Variants in HTRA1 observed in about 807,000 individuals in gnomAD.
The protein encoded by HTRA1 is HtrA serine peptidase 1.
In HTRA1, 26 loss-of-function variants were observed where a neutral mutation model predicts 49.7. The ratio of observed to expected loss-of-function variants is 0.52; its 90% CI spans 0.38 to 0.73. The LOEUF is 0.73. HTRA1 is among the 30% of genes least tolerant of loss of function. HTRA1 has a pLI of 0.00. For synonymous variants in HTRA1, 291 were observed against 286.9 expected, an observed-to-expected ratio of 1.01 and a Z score of -0.14; for missense variants, 561 against 667.2, an observed-to-expected ratio of 0.84 and a Z score of 1.75.
chr10:122,505,613 T>C (rs1490897137), intron 3 of HTRA1, among the ~76,000 whole-genome samples: 1 of 152,190 alleles, frequency 6.6e-6, no homozygotes, highest in East Asian at 1.9e-4. Context: ...ATGACTCAAG[T>C]AACCCCTGGG....
intron 3 of HTRA1, among the ~76,000 whole-genome samples, chr10:122,496,236 T>TTTTTTTTTTTTTG (rs1289001601): frequency 1.4e-5 from 1 of 70,238 alleles, no homozygotes; most frequent in Non-Finnish European, 2.8e-5. Flanking sequence ...TTCTTTTTTT[T>TTTTTTTTTTTTTG]TTTTTTTTTT....
chr10:122,475,932 G>A (rs1424555471), intron 1 of HTRA1, among the ~76,000 whole-genome samples: 1 of 152,214 alleles, frequency 6.6e-6, no homozygotes, highest in Non-Finnish European at 1.5e-5. Context: ...GAATTTAATG[G>A]AGCGGGCCAG....
intron 3 of HTRA1, among the ~76,000 whole-genome samples, chr10:122,496,060 T>A (rs1486973318): frequency 6.6e-6 from 1 of 151,828 alleles, no homozygotes; most frequent in African/African-American, 2.4e-5. Flanking sequence ...AGGAAAAAAA[T>A]TCCCAGCCCC....
chr10:122,462,899 T>G (rs1040033325), intron 1 of HTRA1, among the ~76,000 whole-genome samples: 10 of 152,266 alleles, frequency 6.6e-5, no homozygotes, highest in Non-Finnish European at 1.5e-4. Context: ...ACACAGGACC[T>G]GTTCTGGCAG....
intron 3 of HTRA1, among the ~76,000 whole-genome samples, chr10:122,491,596 C>A (rs759921101): frequency 6.6e-6 from 1 of 152,234 alleles, no homozygotes; most frequent in African/African-American, 2.4e-5. Context: ...TGCTTCTGGC[C>A]GGGGGATATT....
chr10:122,473,334 AC>A (rs759462331), intron 1 of HTRA1, among the ~76,000 whole-genome samples: 3 of 152,096 alleles, frequency 2.0e-5, no homozygotes, highest in Non-Finnish European at 2.9e-5. Context: ...GCGACAGAGA[AC>A]CCAGGTCTCA....
At chr10:122,474,502 G>A (rs181996343) in intron 1 of HTRA1, among the ~76,000 whole-genome samples, 4 of 152,278 alleles carry the variant, frequency 2.6e-5, no homozygotes, top group Non-Finnish European at 4.4e-5. Context: ...GACTCAACCC[G>A]GGTGGGCACT....
intron 1 of HTRA1, among the ~76,000 whole-genome samples, chr10:122,463,330 C>A (rs764690624): frequency 3.9e-5 from 6 of 152,112 alleles, no homozygotes; most frequent in Non-Finnish European, 5.9e-5. Context: ...GCACAGCCCT[C>A]GGGAAACTCA....
At chr10:122,501,795 G>A (rs185746628) in intron 3 of HTRA1, among the ~76,000 whole-genome samples, 256 of 152,160 alleles carry the variant, frequency 1.7e-3, no homozygotes, top group African/African-American at 5.5e-3. Context: ...TTGATGTGAT[G>A]TCTGGAATGG....
intron 1 of HTRA1, among the ~76,000 whole-genome samples, chr10:122,485,595 C>T (rs1333872309): frequency 6.6e-6 from 1 of 152,192 alleles, no homozygotes; most frequent in Non-Finnish European, 1.5e-5. Context: ...CTTCCAGTGG[C>T]CAGGCCAGAT....
chr10:122,466,173 C>CT (rs942714153), intron 1 of HTRA1, among the ~76,000 whole-genome samples: 23 of 149,740 alleles, frequency 1.5e-4, no homozygotes, highest in Admixed American at 6.7e-4. Flanking sequence ...GTAAAATTTA[C>CT]TTTTTTTTTT....
intron 3 of HTRA1, among the ~76,000 whole-genome samples, chr10:122,498,690 A>C (rs1318268402): frequency 6.6e-6 from 1 of 151,928 alleles, no homozygotes; most frequent in Non-Finnish European, 1.5e-5. Context: ...CTGGTCCACC[A>C]CCTCCCTGTC....
intron 5 of HTRA1, among the ~76,000 whole-genome samples, chr10:122,508,322 G>A (rs911764076): frequency 1.3e-5 from 2 of 152,210 alleles, no homozygotes; most frequent in Non-Finnish European, 2.9e-5. Flanking sequence ...GAAGGTGTGG[G>A]CAGCCACCTA....
chr10:122,481,974 C>T (rs1011622494), intron 1 of HTRA1, among the ~76,000 whole-genome samples: 1 of 152,038 alleles, frequency 6.6e-6, no homozygotes, highest in Admixed American at 6.5e-5. Context: ...TGTAAATCAC[C>T]CAGTCTCAGG....
intron 1 of HTRA1, among the ~76,000 whole-genome samples, chr10:122,477,761 C>G (rs1175466346): frequency 1.3e-5 from 2 of 152,046 alleles, no homozygotes; most frequent in Non-Finnish European, 2.9e-5. Flanking sequence ...GGTTACTTCT[C>G]CTTGTCCTTT....
At chr10:122,481,822 A>G (rs187034981) in intron 1 of HTRA1, among the ~76,000 whole-genome samples, 5 of 152,266 alleles carry the variant, frequency 3.3e-5, no homozygotes, top group African/African-American at 1.2e-4. Flanking sequence ...TTGGCTTTAT[A>G]AAGGGGAGTT....
intron 3 of HTRA1, among the ~76,000 whole-genome samples, chr10:122,502,304 T>C (rs1255174840): frequency 6.6e-6 from 1 of 152,222 alleles, no homozygotes; most frequent in Non-Finnish European, 1.5e-5. Flanking sequence ...ATGCTGCTTG[T>C]TGTTGTCTGT....
Position 122,487,866 on chromosome 10 carries a change from A to G in HTRA1, c.473-1036A>G, listed in dbSNP as rs1017092948. Among the ~76,000 whole-genome samples, 1 of 152,200 alleles carries G rather than the reference A, an allele frequency of 6.6e-6. No individual in the cohort carries two copies. Among genetic ancestry groups the G allele is most frequent in the African/African-American group, 2.4e-5 (1 of 41,450 alleles). On this transcript the variant is annotated intron_variant, in intron 1 of 8. Transcript: ENST00000368984. This position sits in a 1 kb window ranked among gnomAD's most constrained non-coding sequence, Gnocchi z 4.8. The stretch of plus-strand genomic sequence containing the variant: ...AAGGTATAGTAAAAACAATGGTGTT[A>G]TGGTCCGCGGCTGGCTGAAACGTTA...
chr10:122,489,656 T>A, intron 3 of HTRA1, 30 bp downstream of exon 3: 2 of 1,594,498 alleles, frequency 1.3e-6, no homozygotes, highest in Non-Finnish European at 1.7e-6. Flanking sequence ...CAGAGGTGAG[T>A]TCTCAGATGC....
Sources: allele counts gnomAD v4.1 joint callset (sites outside exome capture counted in the v4.1 genomes callset), GRCh38; gene constraint gnomAD v4.1.1; non-coding constraint Gnocchi (gnomAD v3.1); transcripts MANE v1.5; gene names NCBI Gene and HGNC (gene_info 2026-07-23, HGNC 2026-07-21).